IGSF10: variants seen among roughly 807,000 people sequenced by gnomAD.
IGSF10 encodes the protein immunoglobulin superfamily member 10, also known as calvaria mechanical force protein 608.
In IGSF10, 126 loss-of-function variants were observed where a neutral mutation model predicts 128.2. The observed-to-expected ratio is 0.98, with a 90% CI of 0.85 to 1.14. The LOEUF (loss-of-function observed/expected upper bound fraction) is 1.14, where lower values mean the gene tolerates loss of function less well. IGSF10 is among the 50% of genes most tolerant of loss of function. IGSF10 has a pLI of 0.00. For synonymous variants in IGSF10, 1,185 were observed against 1,146.2 expected (o/e 1.03, Z -0.68); for missense variants, 3,295 against 3,149.8 (o/e 1.05, Z -1.10).
the IGSF10 span, among the ~76,000 whole-genome samples, chr3:151,488,513 C>T: frequency 6.6e-6 from 1 of 152,140 alleles, no homozygotes; most frequent in African/African-American, 2.4e-5. Flanking sequence ...CCCGCATAGC[C>T]AAGATAATCC....
the IGSF10 span, among the ~76,000 whole-genome samples, chr3:151,488,231 A>G: frequency 9.2e-5 from 14 of 152,186 alleles, no homozygotes; most frequent in African/African-American, 3.4e-4. Context: ...ATTGCTACAA[A>G]GAGAATTAAG....
At chr3:151,528,770 G>A in the IGSF10 span, among the ~76,000 whole-genome samples, 2 of 151,092 alleles carry the variant, frequency 1.3e-5, no homozygotes, top group South Asian at 4.2e-4. Flanking sequence ...CTAAGTGGCT[G>A]TTTGGGCAGA....
At chr3:151,529,788 A>G in the IGSF10 span, among the ~76,000 whole-genome samples, 1 of 152,134 alleles carries the variant, frequency 6.6e-6, no homozygotes, top group Admixed American at 6.5e-5. Context: ...TCCAAAAACT[A>G]GAACACCTCT....
At chr3:151,432,772 G>C, downstream of IGSF10, 1 of 1,613,372 alleles carries the variant, frequency 6.2e-7, no homozygotes, top group Non-Finnish European at 8.5e-7. Flanking sequence ...ACAGCAAGGA[G>C]TGACTCCGTA....
Position 151,437,720 on chromosome 3 carries a change from G to A in IGSF10, c.6841C>T (p.Leu2281Phe). The A allele has an allele frequency of 6.2e-7, 1 of 1,614,122 alleles. No individual in the cohort carries two copies. The stretch of plus-strand genomic sequence containing the variant: ...CTGCTTCCATAGTATGGGGCTGTGA[G>A]GAAAATATTGTCTGGCATGATCCAC... ...VMWIMPDNIF[L>F]TAPYYGSRIT... The change falls in exon 8 of 8, where the codon CTC becomes TTC. Residue 2281 changes from leucine (L) to phenylalanine (F), a missense_variant. By Grantham distance (22) the Leu-to-Phe change is conservative. Transcript: ENST00000282466.
chr3:151,455,405 G>A (rs558893735), intron 4 of IGSF10, among the ~76,000 whole-genome samples: 2 of 152,022 alleles, frequency 1.3e-5, no homozygotes, highest in East Asian at 1.9e-4. Context: ...GAGCCACTGC[G>A]CCCGGCCTAA....
At chr3:151,484,729 C>CAAA in the IGSF10 span, among the ~76,000 whole-genome samples, 35,506 of 131,016 alleles carry the variant, frequency 0.27, 5,251 homozygotes, top group Non-Finnish European at 0.33. Flanking sequence ...GGAAAACTGA[C>CAAA]AAAAAAAAAA....
rs753718093 is a variant in IGSF10 at position 151,448,132 on chromosome 3, G to A, written c.1849C>T (p.Gln617Ter). 4.0e-5 allele frequency: 64 copies of A among 1,614,016 alleles called. 1 individual carries two copies. In the South Asian group the frequency reaches 6.7e-4, roughly 17 times the overall value. ...AGAACTTTCTTGTCTCTTGATGACTGATAGAGCACATTGTTTCCTGGAATA... is the reference window on the plus strand; with the variant it reads ...AGAACTTTCTTGTCTCTTGATGACTAATAGAGCACATTGTTTCCTGGAATA... Reference protein sequence around the residue: ...WVIPGNNVLYQSSRDKKVLNN... With the variant: ...WVIPGNNVLY The change falls in exon 6 of 8, where the codon CAG (glutamine) becomes TAG (stop). Residue 617 changes from glutamine to a stop codon, truncating the protein, a stop_gained. Transcript: ENST00000282466. LOFTEE classifies it high-confidence loss of function.
At chr3:151,550,715 G>A in the IGSF10 span, among the ~76,000 whole-genome samples, 1 of 151,990 alleles carries the variant, frequency 6.6e-6, no homozygotes, top group East Asian at 1.9e-4. Context: ...CATGCCCTGA[G>A]CCATGAACTC....
At chr3:151,481,537 C>A in the IGSF10 span, among the ~76,000 whole-genome samples, 1 of 152,172 alleles carries the variant, frequency 6.6e-6, no homozygotes, top group Non-Finnish European at 1.5e-5. Context: ...ACAGCTATAT[C>A]TCAGGACTCT....
the IGSF10 span, among the ~76,000 whole-genome samples, chr3:151,606,633 T>C: frequency 1.3e-5 from 2 of 152,172 alleles, no homozygotes; most frequent in African/African-American, 4.8e-5. Flanking sequence ...GAAACTGACA[T>C]TTATTTGCAG....
intron 1 of IGSF10, 64 bp downstream of exon 1, chr3:151,460,882 C>T: frequency 1.0e-6 from 1 of 977,832 alleles, no homozygotes; most frequent in Non-Finnish European, 1.2e-6. Context: ...TCCATTCCCA[C>T]GCCAAGCCCC....
At chr3:151,614,525 C>G in the IGSF10 span, among the ~76,000 whole-genome samples, 3 of 152,100 alleles carry the variant, frequency 2.0e-5, no homozygotes, top group African/African-American at 7.2e-5. Context: ...TTTGTAGGGA[C>G]ATGGATGAAA....
chr3:151,507,691 TCATAAGAA>T, the IGSF10 span, among the ~76,000 whole-genome samples: 1 of 152,078 alleles, frequency 6.6e-6, no homozygotes, highest in Non-Finnish European at 1.5e-5. Context: ...GAACTCACTA[TCATAAGAA>T]CAGCATGAGG....
chr3:151,595,113 A>G, the IGSF10 span, among the ~76,000 whole-genome samples: 1 of 152,220 alleles, frequency 6.6e-6, no homozygotes, highest in Non-Finnish European at 1.5e-5. Flanking sequence ...GACAATGGAT[A>G]ACAATTGTTG....
At chr3:151,470,598 T>C in the IGSF10 span, among the ~76,000 whole-genome samples, 2 of 152,170 alleles carry the variant, frequency 1.3e-5, no homozygotes, top group Non-Finnish European at 2.9e-5. Context: ...ACTTCCAAAT[T>C]ACACTAAACC....
the IGSF10 span, among the ~76,000 whole-genome samples, chr3:151,540,610 C>T: frequency 5.0e-4 from 76 of 152,288 alleles, no homozygotes; most frequent in African/African-American, 1.7e-3. Flanking sequence ...CTTGTTCGTA[C>T]CTCTGGTGCA....
the IGSF10 span, among the ~76,000 whole-genome samples, chr3:151,615,854 T>G: frequency 2.0e-5 from 3 of 148,850 alleles, no homozygotes; most frequent in African/African-American, 7.8e-5. Flanking sequence ...AGCATTTAAC[T>G]ATCAACTGTG....
chr3:151,468,383 CA>C, the IGSF10 span, among the ~76,000 whole-genome samples: 11 of 152,034 alleles, frequency 7.2e-5, no homozygotes, highest in Admixed American at 2.0e-4. Flanking sequence ...TTCTTTACCC[CA>C]AGATATCTGC....
Sources: allele counts gnomAD v4.1 joint callset (sites outside exome capture counted in the v4.1 genomes callset), GRCh38; gene constraint gnomAD v4.1.1; transcripts MANE v1.5; gene names NCBI Gene and HGNC (gene_info 2026-07-23, HGNC 2026-07-21).